Variants in SYT17 observed in about 807,000 individuals in gnomAD.
SYT17 encodes synaptotagmin-17.
In SYT17, 22 loss-of-function variants were observed where a neutral mutation model predicts 46.7. The ratio of observed to expected loss-of-function variants is 0.47; its 90% CI spans 0.34 to 0.67. The LOEUF is 0.67. Among genes scored for constraint, SYT17 ranks in the 30% least tolerant of loss-of-function variants. The pLI is 0.01. For missense variants in SYT17, 519 were observed against 612.8 expected (o/e 0.85, Z 1.62); for synonymous variants, 251 against 248.4 (o/e 1.01, Z -0.10).
At chr16:19,229,407 G>T (rs1183053678) in intron 7 of SYT17, among the ~76,000 whole-genome samples, 1 of 152,166 alleles carries the variant, frequency 6.6e-6, no homozygotes, top group East Asian at 1.9e-4. Flanking sequence ...AGAGCAGGAG[G>T]AAGAGAGTGA....
chr16:19,208,573 A>G (rs1175571017), intron 5 of SYT17, among the ~76,000 whole-genome samples: 2 of 152,140 alleles, frequency 1.3e-5, no homozygotes, highest in Non-Finnish European at 2.9e-5. Context: ...ATCACCTCCC[A>G]CCAGGTCCCT....
intron 5 of SYT17, among the ~76,000 whole-genome samples, chr16:19,207,489 GA>G (rs1287131039): frequency 6.6e-6 from 1 of 152,054 alleles, no homozygotes; most frequent in Non-Finnish European, 1.5e-5. Flanking sequence ...GCAAGGGGGG[GA>G]AAGAGATACC....
intron 5 of SYT17, among the ~76,000 whole-genome samples, chr16:19,215,039 C>T (rs112318577): frequency 0.052 from 7,856 of 152,142 alleles, 526 homozygotes; most frequent in African/African-American, 0.15. Flanking sequence ...CTGCCTGCCT[C>T]GGCCTCCCAA....
chr16:19,201,705 A>C (rs1407290479), intron 5 of SYT17, among the ~76,000 whole-genome samples: 1 of 150,530 alleles, frequency 6.6e-6, no homozygotes, highest in Non-Finnish European at 1.5e-5. Context: ...CAATAGATCT[A>C]TTAGATTCTT....
chr16:19,177,475 C>T (rs577863964), intron 3 of SYT17, among the ~76,000 whole-genome samples: 1 of 152,190 alleles, frequency 6.6e-6, no homozygotes, highest in African/African-American at 2.4e-5. Context: ...AGTAAATTTA[C>T]AGCTTTGTGT....
chr16:19,224,636 A>G, intron 6 of SYT17, 47 bp from the exon 7 acceptor site: 1 of 1,600,862 alleles, frequency 6.2e-7, no homozygotes, highest in East Asian at 2.2e-5. Context: ...TGGACGGATT[A>G]GGTTTCATGA....
intron 5 of SYT17, among the ~76,000 whole-genome samples, chr16:19,192,598 T>C (rs750558231): frequency 1.1e-4 from 16 of 151,960 alleles, no homozygotes; most frequent in Non-Finnish European, 1.5e-4. Flanking sequence ...AAGAAAACGT[T>C]GAGGAGCAAA....
At chr16:19,189,524 A>AT (rs1964931200) in intron 5 of SYT17, among the ~76,000 whole-genome samples, 1 of 151,822 alleles carries the variant, frequency 6.6e-6, no homozygotes, top group South Asian at 2.1e-4. Flanking sequence ...ATAATTTTTT[A>AT]TTTTTTGTAG....
chr16:19,262,445 G>A (rs1424964652), intron 7 of SYT17, among the ~76,000 whole-genome samples: 3 of 152,218 alleles, frequency 2.0e-5, no homozygotes, highest in African/African-American at 7.2e-5. Context: ...ATAAATTCCT[G>A]TTGTTTATAA....
intron 7 of SYT17, among the ~76,000 whole-genome samples, chr16:19,262,794 C>G (rs1192582612): frequency 3.3e-5 from 5 of 152,154 alleles, no homozygotes; most frequent in Non-Finnish European, 5.9e-5. Flanking sequence ...AAGGTCCTCA[C>G]CATAAATCAC....
intron 7 of SYT17, among the ~76,000 whole-genome samples, chr16:19,232,839 TAAAC>T (rs57954740): frequency 4.2e-3 from 626 of 150,220 alleles, no homozygotes; most frequent in African/African-American, 0.014. Flanking sequence ...CTCAAAAACA[TAAAC>T]AAACAAACAA....
chr16:19,177,746 G>A (rs1178352600), intron 3 of SYT17, among the ~76,000 whole-genome samples: 1 of 152,194 alleles, frequency 6.6e-6, no homozygotes, highest in Non-Finnish European at 1.5e-5. Context: ...GGGCTGGGCT[G>A]GTGAAGATTA....
intron 5 of SYT17, among the ~76,000 whole-genome samples, chr16:19,188,513 C>CAA (rs61202540): frequency 0.15 from 9,812 of 64,642 alleles, 768 homozygotes; most frequent in African/African-American, 0.27. Flanking sequence ...TTCAGTTCTG[C>CAA]AAAAAAAAAA....
chr16:19,221,548 C>A (rs553267376), intron 5 of SYT17, among the ~76,000 whole-genome samples: 17 of 152,208 alleles, frequency 1.1e-4, no homozygotes, highest in African/African-American at 3.4e-4. Flanking sequence ...AGTTAACATG[C>A]GAGATTGTTT....
chr16:19,206,237 A>G (rs377151431), intron 5 of SYT17, among the ~76,000 whole-genome samples: 118 of 152,310 alleles, frequency 7.7e-4, no homozygotes, highest in African/African-American at 2.6e-3. Flanking sequence ...AATAGAAGCT[A>G]GAAGGTAAGA....
intron 5 of SYT17, among the ~76,000 whole-genome samples, chr16:19,188,542 A>G (rs1338314467): frequency 6.6e-6 from 1 of 151,368 alleles, no homozygotes; most frequent in Non-Finnish European, 1.5e-5. Context: ...AAAAAAAGAA[A>G]GAAAGAAACA....
chr16:19,196,324 C>G (rs191085590), intron 5 of SYT17, among the ~76,000 whole-genome samples: 70 of 151,602 alleles, frequency 4.6e-4, no homozygotes, highest in African/African-American at 1.7e-3. Flanking sequence ...CTCACTGCAA[C>G]CTCCGCCTCC....
At chr16:19,173,389 C>CCCCA in intron 2 of SYT17, 41 bp from the exon 3 acceptor site, 1 of 479,682 alleles carries the variant, frequency 2.1e-6, no homozygotes. Flanking sequence ...CCCACCTCCC[C>CCCCA]TCTCCCCCAT....
intron 5 of SYT17, among the ~76,000 whole-genome samples, chr16:19,213,060 A>C (rs992019576): frequency 6.6e-6 from 1 of 152,192 alleles, no homozygotes; most frequent in Non-Finnish European, 1.5e-5. Flanking sequence ...CTCCCAGGCT[A>C]GAGTGCAGGG....
Sources: allele counts gnomAD v4.1 joint callset (sites outside exome capture counted in the v4.1 genomes callset), GRCh38; gene constraint gnomAD v4.1.1; transcripts MANE v1.5; gene names NCBI Gene and HGNC (gene_info 2026-07-23, HGNC 2026-07-21).